Variants in CEP57L1 observed in about 807,000 individuals in gnomAD.
The protein encoded by CEP57L1 is centrosomal protein 57 like 1, also known as centrosomal protein CEP57L1.
Under a neutral mutation model 61.0 loss-of-function variants are expected in CEP57L1, and 37 were observed. The observed-to-expected ratio is 0.61, with a 90% CI of 0.47 to 0.80. CEP57L1 has a LOEUF of 0.80. Ranked by LOEUF, CEP57L1 falls within the 30% of genes least tolerant of loss-of-function variation. CEP57L1 has a pLI of 0.00. For missense variants in CEP57L1, 422 were observed against 524.7 expected (o/e 0.80, Z 1.91); for synonymous variants, 137 against 162.3 (o/e 0.84, Z 1.19).
chr6:109,136,700 TTTTTA>T (rs557844549), intron 1 of CEP57L1, among the ~76,000 whole-genome samples: 15,038 of 115,380 alleles, frequency 0.13, 1,040 homozygotes, highest in Non-Finnish European at 0.17. Context: ...GAAACTTGTA[TTTTTA>T]TTTTATTTTA....
At chr6:109,139,609 C>T (rs1277220689) in intron 1 of CEP57L1, among the ~76,000 whole-genome samples, 1 of 151,800 alleles carries the variant, frequency 6.6e-6, no homozygotes, top group African/African-American at 2.4e-5. Flanking sequence ...TTCAAGCTTC[C>T]CAAGTAGCTG....
chr6:109,152,339 C>T (rs1772706654), intron 4 of CEP57L1, among the ~76,000 whole-genome samples: 2 of 152,124 alleles, frequency 1.3e-5, no homozygotes, highest in Admixed American at 1.3e-4. Context: ...CGCCACCACA[C>T]CCAGCTAACT....
chr6:109,107,021 T>G (rs962241777), intron 1 of CEP57L1, among the ~76,000 whole-genome samples: 2 of 152,222 alleles, frequency 1.3e-5, no homozygotes, highest in African/African-American at 4.8e-5. Context: ...GTAATAGTAT[T>G]TACAAACAAA....
chr6:109,152,303 C>T (rs2114912836), intron 4 of CEP57L1, among the ~76,000 whole-genome samples: 1 of 152,302 alleles, frequency 6.6e-6, no homozygotes, highest in South Asian at 2.1e-4. Context: ...GCCTCAGCCT[C>T]CCAAGTAGCT....
rs1351788378 is a variant in CEP57L1 at position 109,168,591 on chromosome 6, T to A, written c.*5621T>A. ...TCAATTTAGCGGGTCACTACCAGCATTTTTTTTTTTTTTTTTTTTTTGAGA... is the reference window on the plus strand; with the variant it reads ...TCAATTTAGCGGGTCACTACCAGCAATTTTTTTTTTTTTTTTTTTTTGAGA... On this transcript the variant is annotated 3_prime_UTR_variant, in exon 11 of 11. Coordinates refer to ENST00000517392, the MANE Select transcript of CEP57L1 (RefSeq NM_001271852.3). Among the ~76,000 whole-genome samples, 1 of 65,980 alleles carries A rather than the reference T, an allele frequency of 1.5e-5. No homozygotes were observed. Among genetic ancestry groups the A allele is most frequent in the African/African-American group, 5.3e-5 (1 of 18,896 alleles). 43.3% of individuals were successfully genotyped at this position (65,980 alleles called of 152,430 possible).
At chr6:109,103,705 G>A (rs1363011663) in intron 1 of CEP57L1, among the ~76,000 whole-genome samples, 6 of 151,968 alleles carry the variant, frequency 3.9e-5, no homozygotes, top group Admixed American at 1.3e-4. Context: ...TATATTAATG[G>A]ATAGATTTTT....
At chr6:109,096,888 CATGT>C in intron 1 of CEP57L1, among the ~76,000 whole-genome samples, 1 of 152,310 alleles carries the variant, frequency 6.6e-6, no homozygotes, top group South Asian at 2.1e-4. Context: ...AATATGATCT[CATGT>C]ATACCCATGG....
At position 109,169,260 on chromosome 6, in the gene CEP57L1, T is replaced by C. The variant is rs980311769; in HGVS notation, c.*6290T>C. The stretch of plus-strand genomic sequence containing the variant: ...AAAAAAAAAAAAAGATCAGAGTGCA[T>C]CACACATAATTAAGGTAGCTTATGT... On this transcript the variant is annotated 3_prime_UTR_variant, in exon 11 of 11. Transcript: ENST00000517392. 2.1e-5 allele frequency among the ~76,000 whole-genome samples: 3 copies of C among 145,782 alleles called. No homozygotes were observed. Among genetic ancestry groups the C allele is most frequent in the Non-Finnish European group, 4.5e-5 (3 of 66,136 alleles).
rs1774392366 is a variant in CEP57L1 at position 109,171,284 on chromosome 6, G to A, written c.*8314G>A. On this transcript the variant is annotated 3_prime_UTR_variant, in exon 11 of 11. Transcript: ENST00000517392. ...ACGGAGTTTCGCTCTTGTTGCCCAA[G>A]CTGGAGTGCAATGGCGCGATCTCAG... Among the ~76,000 whole-genome samples the A allele has an allele frequency of 6.7e-6, 1 of 148,950 alleles. No homozygotes were observed. The highest frequency in any genetic ancestry group is 1.5e-5 in the Non-Finnish European group (1 of 67,510).
At chr6:109,126,451 TA>T (rs993943580) in intron 1 of CEP57L1, among the ~76,000 whole-genome samples, 1 of 152,206 alleles carries the variant, frequency 6.6e-6, no homozygotes, top group Non-Finnish European at 1.5e-5. Context: ...GTCCATCTAT[TA>T]ACATTTAATT....
chr6:109,134,722 A>C (rs894382487), intron 1 of CEP57L1, among the ~76,000 whole-genome samples: 2 of 152,236 alleles, frequency 1.3e-5, no homozygotes, highest in Non-Finnish European at 2.9e-5. Context: ...AAGTCTCAGG[A>C]TACAAAATCA....
rs560812710 is a variant in CEP57L1, at chr6:109,163,204, T to C, written c.*234T>C. On this transcript the variant is annotated 3_prime_UTR_variant, in exon 11 of 11. Coordinates refer to ENST00000517392, the MANE Select transcript of CEP57L1 (RefSeq NM_001271852.3). ...TGAAGCCCGTAACCTCATCTTGTCT[T>C]AGAAACATTGTTGGCTTTGCAGATA... 7.9e-5 allele frequency: 29 copies of C among 366,794 alleles called. No individual in the cohort carries two copies. In the South Asian group the frequency reaches 1.1e-3, roughly 14 times the overall value. 22.7% of individuals were successfully genotyped at this position (366,794 alleles called of 1,614,324 possible). A position where few individuals can be genotyped will look rare whatever the true frequency, so the allele number is the denominator to read the frequency against.
intron 1 of CEP57L1, among the ~76,000 whole-genome samples, chr6:109,103,322 A>G (rs1308418377): frequency 6.6e-6 from 1 of 152,168 alleles, no homozygotes; most frequent in Non-Finnish European, 1.5e-5. Flanking sequence ...ACCAAGTACT[A>G]TATGTGTACT....
rs1277058803 is a variant in CEP57L1 at position 109,153,933 on chromosome 6, C to G, written c.563C>G (p.Thr188Ser). The change falls in exon 5 of 11, where the codon ACT (threonine) becomes AGT (serine). Residue 188 changes from threonine to serine, a missense_variant. Physicochemically the swap from Thr to Ser is moderately conservative, Grantham distance 58. Coordinates refer to ENST00000517392, the MANE Select transcript of CEP57L1 (RefSeq NM_001271852.3). Reference protein sequence around the residue: ...LEKECFRLTTTQKTAEDKIKH... With the variant: ...LEKECFRLTTSQKTAEDKIKH... ...AAAGAGTGTTTCAGACTTACAACAACTCAGAAAACTGCTGAGGTAAGCTTT... is the reference window on the plus strand; with the variant it reads ...AAAGAGTGTTTCAGACTTACAACAAGTCAGAAAACTGCTGAGGTAAGCTTT... The G allele has an allele frequency of 6.3e-7, 1 of 1,590,612 alleles. No homozygotes were observed.
rs546186050 is a variant in CEP57L1, at chr6:109,164,265, A to C, written c.*1295A>C. Among the ~76,000 whole-genome samples the C allele has an allele frequency of 7.7e-4, 117 of 152,286 alleles. No homozygotes were observed. The highest frequency in any genetic ancestry group is 1.7e-3 in the South Asian group (8 of 4,810). On this transcript the variant is annotated 3_prime_UTR_variant, in exon 11 of 11. Coordinates refer to ENST00000517392, the MANE Select transcript of CEP57L1 (RefSeq NM_001271852.3). The stretch of plus-strand genomic sequence containing the variant: ...ATTCCCAAGAAGCTTGTGTAGGAAA[A>C]AGTTGGTAATTATGGATCTTTTGGG...
rs1193009074 is a variant in CEP57L1 at position 109,153,854 on chromosome 6, G to C, written c.484G>C (p.Glu162Gln). 1.2e-6 allele frequency: 2 copies of C among 1,610,582 alleles called. No individual in the cohort carries two copies. Among genetic ancestry groups the C allele is most frequent in the African/African-American group, 1.3e-5 (1 of 74,768 alleles). Residue 162 changes from glutamate to glutamine, a missense_variant, in exon 5 of 11, where the codon GAA becomes CAA. Physicochemically the swap from Glu to Gln is conservative, Grantham distance 29. Coordinates refer to ENST00000517392, the MANE Select transcript of CEP57L1 (RefSeq NM_001271852.3). Reference protein sequence around the residue: ...EQQAQLQREKEQDQMKLYAKL... With the variant: ...EQQAQLQREKQQDQMKLYAKL... ...CTAGGCCCAGCTTCAGAGGGAAAAA[G>C]AACAAGATCAGATGAAGCTGTATGC...
At chr6:109,128,728 A>T (rs929526895) in intron 1 of CEP57L1, among the ~76,000 whole-genome samples, 1 of 152,192 alleles carries the variant, frequency 6.6e-6, no homozygotes, top group African/African-American at 2.4e-5. Context: ...CTCCAAACAA[A>T]TTCACTAGGA....
At chr6:109,106,405 A>C (rs1437247898) in intron 1 of CEP57L1, among the ~76,000 whole-genome samples, 1 of 152,216 alleles carries the variant, frequency 6.6e-6, no homozygotes, top group Non-Finnish European at 1.5e-5. Flanking sequence ...TTATTAAATA[A>C]TACTACTGAT....
intron 1 of CEP57L1, among the ~76,000 whole-genome samples, chr6:109,096,407 A>G (rs879617451): frequency 2.0e-5 from 3 of 152,220 alleles, no homozygotes; most frequent in Admixed American, 2.0e-4. Context: ...GACTTAGCCC[A>G]ATCTTGGAAA....
Sources: allele counts gnomAD v4.1 joint callset (sites outside exome capture counted in the v4.1 genomes callset), GRCh38; gene constraint gnomAD v4.1.1; transcripts MANE v1.5; gene names NCBI Gene and HGNC (gene_info 2026-07-23, HGNC 2026-07-21).